POLE: variants seen among roughly 807,000 people sequenced by gnomAD.
The protein encoded by POLE is DNA polymerase epsilon, catalytic subunit.
POLE carries 188 observed loss-of-function variants against 279.2 expected under a neutral mutation model. The ratio of observed to expected loss-of-function variants is 0.67; its 90% CI spans 0.60 to 0.76. POLE has a LOEUF of 0.76. POLE is among the 30% of genes least tolerant of loss of function. The pLI is 0.00. For missense variants in POLE, 2,703 were observed against 3,016.7 expected (o/e 0.90, Z 2.44); for synonymous variants, 1,214 against 1,172.5 (o/e 1.04, Z -0.72).
chr12:132,680,480 G>C, intron 3 of POLE, 127 bp downstream of exon 3: 1 of 761,672 alleles, frequency 1.3e-6, no homozygotes, highest in Non-Finnish European at 2.2e-6. Context: ...GGGGCCTCCA[G>C]GGGCCCGAGT....
At position 132,642,568 on chromosome 12, in the gene POLE, C is replaced by T. The variant is rs2138534421; in HGVS notation, c.4890G>A (p.Arg1630=). 4 of 1,613,554 alleles carry T rather than the reference C, an allele frequency of 2.5e-6. No homozygotes were observed. The highest frequency in any genetic ancestry group is 3.4e-6 in the Non-Finnish European group (4 of 1,180,036). ...GGTTGAGGTAGTGACGGATCATGCG[C>T]CGGGCTCCATGGCGCTGCCAGTCCA... is the stretch of plus-strand genomic sequence containing the variant. ...GVLDWQRHGA[R]RMIRHYLNLD... The change falls in exon 37 of 49, where the codon CGG becomes CGA. Residue 1630 remains arginine (R), a synonymous_variant. Coordinates refer to ENST00000320574, the MANE Select transcript of POLE (RefSeq NM_006231.4).
rs999490184 is a variant in POLE, at chr12:132,649,039, G to A, written c.4039C>T (p.Leu1347=). ...SETSQAGLFR[L]WALVGSDLHC... is the part of the protein sequence containing the mutation. Reference sequence around the variant, plus strand: ...AAGTCACTGCCAACGAGCGCCCACAGCCTGAACAGGCCGGCCTGGCTGGTC... The same window carrying A: ...AAGTCACTGCCAACGAGCGCCCACAACCTGAACAGGCCGGCCTGGCTGGTC... Residue 1347 remains leucine, a synonymous_variant, in exon 32 of 49, where the codon CTG becomes TTG. Coordinates refer to ENST00000320574, the MANE Select transcript of POLE (RefSeq NM_006231.4). 3 of 1,613,304 alleles carry A rather than the reference G, an allele frequency of 1.9e-6. No individual in the cohort carries two copies. The highest frequency in any genetic ancestry group is 1.1e-5 in the South Asian group (1 of 91,074).
chr12:132,626,841 CA>C (rs2041849703), intron 45 of POLE, among the ~76,000 whole-genome samples: 1 of 152,222 alleles, frequency 6.6e-6, no homozygotes, highest in Non-Finnish European at 1.5e-5. Context: ...TTCTTGAATA[CA>C]AGCGTATCTT....
At chr12:132,682,256 C>T (rs1403687347) in intron 1 of POLE, among the ~76,000 whole-genome samples, 7 of 147,430 alleles carry the variant, frequency 4.7e-5, no homozygotes, top group Non-Finnish European at 8.9e-5. Context: ...AACGCGCCAC[C>T]ACACTCCAGC....
chr12:132,667,342 C>T (rs900091017), intron 20 of POLE, among the ~76,000 whole-genome samples, 161 bp downstream of exon 20: 3 of 152,146 alleles, frequency 2.0e-5, no homozygotes, highest in Non-Finnish European at 4.4e-5. Flanking sequence ...CTGCATCCTT[C>T]GTGGCCATCA....
intron 44 of POLE, 40 bp from the exon 45 acceptor site, chr12:132,632,548 G>C (rs2041955040): frequency 1.2e-6 from 2 of 1,607,566 alleles, no homozygotes; most frequent in Non-Finnish European, 1.7e-6. Flanking sequence ...TCTGGGACCT[G>C]TCTGGCACTG....
rs537069364 is a variant in POLE at position 132,649,614 on chromosome 12, C to T, written c.3795+63G>A. The T allele has an allele frequency of 2.9e-4, 462 of 1,604,048 alleles. No homozygotes were observed. In the African/African-American group the frequency reaches 5.8e-3, roughly 20 times the overall value. ...AGCCTCCCTAGGGGTCAGGACGCAT[C>T]TCGGGCTCCCTGGGCTGTGCAGACC... On this transcript the variant is annotated intron_variant, in intron 30 of 48. Coordinates refer to ENST00000320574, the MANE Select transcript of POLE (RefSeq NM_006231.4).
intron 23 of POLE, among the ~76,000 whole-genome samples, chr12:132,662,033 T>C (rs749941376): frequency 2.6e-5 from 4 of 152,246 alleles, no homozygotes; most frequent in Non-Finnish European, 2.9e-5. Context: ...AGCTGTTTTG[T>C]GTTGCTTCGT....
At chr12:132,646,525 TAA>T (rs57636810) in intron 32 of POLE, among the ~76,000 whole-genome samples, 72,774 of 144,592 alleles carry the variant, frequency 0.5, 18,454 homozygotes, top group East Asian at 0.7. Flanking sequence ...TTTCTTCCTT[TAA>T]AAAAAAAAAA....
intron 45 of POLE, among the ~76,000 whole-genome samples, chr12:132,630,732 C>T (rs2041920045): frequency 6.6e-6 from 1 of 152,154 alleles, no homozygotes; most frequent in Non-Finnish European, 1.5e-5. Context: ...AAAAAAAGCT[C>T]CACATCATTA....
At chr12:132,631,875 A>T (rs1029134406) in intron 45 of POLE, among the ~76,000 whole-genome samples, 2 of 151,932 alleles carry the variant, frequency 1.3e-5, no homozygotes, top group Non-Finnish European at 2.9e-5. Context: ...CGCCCCTCAC[A>T]GGCTCCATCC....
In POLE at chr12:132,638,008, C is replaced by G. The variant is rs551185075; in HGVS notation, c.5678+6G>C. The G allele has an allele frequency of 6.2e-7, 1 of 1,613,278 alleles. No individual in the cohort carries two copies. The highest frequency in any genetic ancestry group is 8.5e-7 in the Non-Finnish European group (1 of 1,179,452). ...GTGCTGCGTCACCAGGACCAGCCAGCCGCACCTGCTGGTGATGTACTCCAC... is the reference window on the plus strand; with the variant it reads ...GTGCTGCGTCACCAGGACCAGCCAGGCGCACCTGCTGGTGATGTACTCCAC... On this transcript the variant is annotated splice_donor_region_variant and intron_variant, in intron 41 of 48. Transcript: ENST00000320574.
Position 132,632,412 on chromosome 12 carries a change from C to T in POLE, c.6233G>A (p.Arg2078Gln), listed in dbSNP as rs745721448. ...CATCTCTGAGAGCTCAGTGGAGTTCCGAGAGCCTGTGACTTTCTTCTGAAT... is the reference window on the plus strand; with the variant it reads ...CATCTCTGAGAGCTCAGTGGAGTTCTGAGAGCCTGTGACTTTCTTCTGAAT... ...QKIQKKVTGS[R>Q]NSTELSEMFP... Residue 2078 changes from arginine to glutamine, a missense_variant, in exon 45 of 49, where the codon CGG (arginine) becomes CAG (glutamine). Physicochemically the swap from Arg to Gln is conservative, Grantham distance 43. Coordinates refer to ENST00000320574, the MANE Select transcript of POLE (RefSeq NM_006231.4). 75 of 1,613,860 alleles carry T rather than the reference C, an allele frequency of 4.6e-5. No homozygotes were observed. Among genetic ancestry groups the T allele is most frequent in the Non-Finnish European group, 5.8e-5 (69 of 1,179,742 alleles).
At position 132,657,884 on chromosome 12, in the gene POLE, T is replaced by A; in HGVS notation, c.3362A>T (p.Asp1121Val). The A allele has an allele frequency of 1.2e-6, 2 of 1,613,000 alleles. No individual in the cohort carries two copies. Among genetic ancestry groups the A allele is most frequent in the Non-Finnish European group, 1.7e-6 (2 of 1,178,950 alleles). The stretch of plus-strand genomic sequence containing the variant: ...GGCACTCACTGCTCGAATATCAAAG[T>A]CTTGAAGGGAAGAGCTCTTGAGCCA... The part of the protein sequence containing the change: ...RKWLKSSSLQ[D>V]FDIRAILDWD... Residue 1121 changes from aspartate to valine, a missense_variant, in exon 27 of 49, where the codon GAC becomes GTC. Around this residue, in one of 5 missense-constraint regions of POLE, gnomAD observed 1,551 missense variants for 1,686.1 expected, o/e 0.92. Coordinates refer to ENST00000320574, the MANE Select transcript of POLE (RefSeq NM_006231.4).
chr12:132,672,603 C>G (rs1317043253), intron 15 of POLE, 24 bp downstream of exon 15: 10 of 1,609,814 alleles, frequency 6.2e-6, no homozygotes, highest in African/African-American at 1.3e-5. Flanking sequence ...TGGGAAGAAT[C>G]TGAATCCCAG....
At position 132,668,414 on chromosome 12, in the gene POLE, C is replaced by A; in HGVS notation, c.2115G>T (p.Arg705=). 1 of 1,612,536 alleles carries A rather than the reference C, an allele frequency of 6.2e-7. No individual in the cohort carries two copies. The highest frequency in any genetic ancestry group is 8.5e-7 in the Non-Finnish European group (1 of 1,179,210). ...CCTCGCGGGACAGTTCATGAAAGGC[C>A]CGAGCTGGCCCCTCTGGGAACAAGG... ...FPPLFPEGPA[R]AFHELSREEQ... is the part of the protein sequence containing the mutation. The change falls in exon 19 of 49, where the codon CGG becomes CGT. Residue 705 remains arginine, a synonymous_variant. Transcript: ENST00000320574. The surrounding 1 kb of genome is among the most constrained non-coding windows in gnomAD (Gnocchi z 4.0).
intron 45 of POLE, among the ~76,000 whole-genome samples, chr12:132,630,568 G>A (rs1164014332): frequency 1.3e-5 from 2 of 152,056 alleles, no homozygotes; most frequent in African/African-American, 4.8e-5. Flanking sequence ...TGGCCAACAT[G>A]GTGAAACTCC....
Position 132,679,052 on chromosome 12 carries a change from C to T in POLE, c.578+445G>A, listed in dbSNP as rs552287518. Among the ~76,000 whole-genome samples the T allele has an allele frequency of 5.9e-5, 9 of 152,336 alleles. No homozygotes were observed. In the East Asian group the frequency reaches 1.5e-3, roughly 26 times the overall value. ...AAGATTTTCTCTTCCTAACTGGTTA[C>T]TTTGCATCCTATTATTGTTGATGCT... On this transcript the variant is annotated intron_variant, in intron 6 of 48. Coordinates refer to ENST00000320574, the MANE Select transcript of POLE (RefSeq NM_006231.4).
chr12:132,673,118 C>T, intron 14 of POLE, 46 bp downstream of exon 14: 1 of 1,248,310 alleles, frequency 8.0e-7, no homozygotes, highest in East Asian at 2.3e-5. Flanking sequence ...TGGAATGGGG[C>T]AAGGGCTGAG....
Sources: allele counts gnomAD v4.1 joint callset (sites outside exome capture counted in the v4.1 genomes callset), GRCh38; gene constraint gnomAD v4.1.1; regional missense constraint gnomAD v4.1.1; non-coding constraint Gnocchi (gnomAD v3.1); transcripts MANE v1.5; gene names NCBI Gene and HGNC (gene_info 2026-07-23, HGNC 2026-07-21).